The following NDE1 variants were observed in gnomAD, a reference collection of about 807,000 sequenced individuals.
NDE1 encodes the protein nudE neurodevelopment protein 1.
Under a neutral mutation model 43.4 loss-of-function variants are expected in NDE1, and 28 were observed. The observed-to-expected ratio is 0.65, with a 90% CI of 0.48 to 0.89. The LOEUF (loss-of-function observed/expected upper bound fraction) is 0.89. Ranked by LOEUF, NDE1 falls within the 40% of genes least tolerant of loss-of-function variation. NDE1 has a pLI of 0.00. For missense variants in NDE1, 441 were observed against 434.1 expected (o/e 1.02, Z -0.14); for synonymous variants, 184 against 172.0 (o/e 1.07, Z -0.55).
At chr16:15,717,411 C>A in intron 8 of NDE1, 1 of 1,557,134 alleles carries the variant, frequency 6.4e-7, no homozygotes, top group Admixed American at 1.7e-5. Flanking sequence ...GCACTGAGAC[C>A]ATGCCTCTTC....
intron 8 of NDE1, chr16:15,719,170 G>GT: frequency 6.5e-7 from 1 of 1,532,328 alleles, no homozygotes; most frequent in Non-Finnish European, 9.0e-7. Flanking sequence ...GATGCTGCCT[G>GT]TCCCCCCATC....
chr16:15,720,073 C>G, intron 8 of NDE1: 1 of 1,593,926 alleles, frequency 6.3e-7, no homozygotes. Flanking sequence ...TTCCTGGAGC[C>G]CGCTCTGCTG....
At chr16:15,675,543 C>T (rs1446029388) in intron 3 of NDE1, among the ~76,000 whole-genome samples, 1 of 151,506 alleles carries the variant, frequency 6.6e-6, no homozygotes, top group African/African-American at 2.4e-5. Context: ...CTCAGGCAGT[C>T]TTCTTGCCTC....
At chr16:15,697,346 A>G (rs2039061693) in intron 8 of NDE1, among the ~76,000 whole-genome samples, 1 of 152,110 alleles carries the variant, frequency 6.6e-6, no homozygotes, top group Non-Finnish European at 1.5e-5. Flanking sequence ...CCTGGCCAAG[A>G]AGGTCATTTT....
At chr16:15,651,276 C>T (rs1286105115) in intron 1 of NDE1, among the ~76,000 whole-genome samples, 1 of 152,074 alleles carries the variant, frequency 6.6e-6, no homozygotes, top group Non-Finnish European at 1.5e-5. Flanking sequence ...TAGGCAGGTT[C>T]ATCATTTTTA....
At chr16:15,667,612 T>C (rs1347029104) in intron 3 of NDE1, among the ~76,000 whole-genome samples, 173 bp downstream of exon 3, 1 of 144,944 alleles carries the variant, frequency 6.9e-6, no homozygotes, top group Non-Finnish European at 1.5e-5. Flanking sequence ...GTGCCTCTAG[T>C]GGGTGGTGCT....
rs1030614126 is a variant in NDE1, at chr16:15,714,961, C to T, written c.948-9230C>T. The T allele has an allele frequency of 6.2e-7, 1 of 1,614,006 alleles. No individual in the cohort carries two copies. The highest frequency in any genetic ancestry group is 8.5e-7 in the Non-Finnish European group (1 of 1,180,048). ...TCGCGGCCCATGGCCTCGTTGCTCTCCGTGGCCTCATCCAGCTCCCGCTGC... is the reference window on the plus strand; with the variant it reads ...TCGCGGCCCATGGCCTCGTTGCTCTTCGTGGCCTCATCCAGCTCCCGCTGC... On this transcript the variant is annotated intron_variant, in intron 8 of 8. Transcript: ENST00000396354.
chr16:15,674,009 A>C (rs1281520294), intron 3 of NDE1, among the ~76,000 whole-genome samples: 1 of 152,108 alleles, frequency 6.6e-6, no homozygotes, highest in Non-Finnish European at 1.5e-5. Flanking sequence ...ATTGAGTCTC[A>C]GTGTTCATGT....
intron 8 of NDE1, among the ~76,000 whole-genome samples, chr16:15,702,758 T>C (rs1450953390): frequency 6.6e-6 from 1 of 152,140 alleles, no homozygotes; most frequent in Non-Finnish European, 1.5e-5. Flanking sequence ...CAAGACCTTG[T>C]GTTTTAACTC....
At chr16:15,686,354 G>A (rs1223728424) in intron 4 of NDE1, 2 of 984,472 alleles carry the variant, frequency 2.0e-6, no homozygotes, top group African/African-American at 1.7e-5. Context: ...AGAGAAGGTG[G>A]TTTTCCCAGA....
At chr16:15,647,334 T>C (rs2036350688), upstream of NDE1, among the ~76,000 whole-genome samples, 1 of 152,200 alleles carries the variant, frequency 6.6e-6, no homozygotes, top group African/African-American at 2.4e-5. Context: ...AGCATAGTGC[T>C]GAAGAAGGAG....
At chr16:15,683,842 TAGTG>T (rs887781277) in intron 4 of NDE1, among the ~76,000 whole-genome samples, 1 of 151,822 alleles carries the variant, frequency 6.6e-6, no homozygotes, top group African/African-American at 2.4e-5. Context: ...CTGGGCAACA[TAGTG>T]AGACTCCCGT....
Position 15,671,009 on chromosome 16 carries a change from G to A in NDE1, c.237+3570G>A, listed in dbSNP as rs368043877. On this transcript the variant is annotated intron_variant, in intron 3 of 8. Transcript: ENST00000396354. The stretch of plus-strand genomic sequence containing the variant: ...CGTCTGCAGATCCATCTGCCCCATA[G>A]GTGTTGTTTGATCGCCTTCAGGGGT... Among the ~76,000 whole-genome samples the A allele has an allele frequency of 2.0e-4, 30 of 152,266 alleles. No individual in the cohort carries two copies. The East Asian group carries it at 2.5e-3, about 13-fold the overall frequency.
chr16:15,695,203 CTTTTT>C (rs71134451), intron 7 of NDE1, among the ~76,000 whole-genome samples: 3 of 79,680 alleles, frequency 3.8e-5, no homozygotes, highest in African/African-American at 1.1e-4. Context: ...AAACTGCCAC[CTTTTT>C]TTTTTTTTTT....
intron 2 of NDE1, among the ~76,000 whole-genome samples, chr16:15,666,177 A>G (rs551849943): frequency 1.9e-3 from 282 of 152,206 alleles, no homozygotes; most frequent in Admixed American, 4.5e-3. Context: ...AGATTTTAAG[A>G]TTTGAAACTC....
At chr16:15,717,579 G>T (rs1025689184) in intron 8 of NDE1, 1 of 594,820 alleles carries the variant, frequency 1.7e-6, no homozygotes, top group African/African-American at 1.9e-5. Context: ...TAAATCACTT[G>T]AGCTCAGGAG....
rs367644806 is a variant in NDE1, at chr16:15,654,627, A to C, written c.-44+4333A>C. 8.3e-4 allele frequency among the ~76,000 whole-genome samples: 124 copies of C among 150,302 alleles called. No individual in the cohort carries two copies. In the Middle Eastern group the frequency reaches 0.014, roughly 16 times the overall value. ...CAAAAAAAAAAAAAACAAAAAAAAA[A>C]AAAACAAAACTGGACCAAATGAAAC... is the stretch of plus-strand genomic sequence containing the variant. On this transcript the variant is annotated intron_variant, in intron 1 of 8. Transcript: ENST00000396354.
At position 15,718,045 on chromosome 16, in the gene NDE1, C is replaced by A. The variant is rs1465396438; in HGVS notation, c.948-6146C>A. ...CGCAATGAAAGAGCATCCCAAGGCC[C>A]GGACTCCAGGGATGGCCGTGAGGTA... On this transcript the variant is annotated intron_variant, in intron 8 of 8. Transcript: ENST00000396354. 14 of 553,072 alleles carry A rather than the reference C, an allele frequency of 2.5e-5. 2 individuals are homozygous for A. The highest frequency in any genetic ancestry group is 2.3e-4 in the South Asian group (11 of 48,654). 34.3% of individuals were successfully genotyped at this position (553,072 alleles called of 1,614,324 possible). A position where few individuals can be genotyped will look rare whatever the true frequency, so the allele number is the denominator to read the frequency against.
At chr16:15,720,802 C>T in intron 8 of NDE1, 1 of 1,607,168 alleles carries the variant, frequency 6.2e-7, no homozygotes, top group Non-Finnish European at 8.5e-7. Context: ...AAAAGGCCAC[C>T]CGACCTCCCT....
Sources: gnomAD v4.1 joint callset for allele counts (sites outside exome capture counted in the v4.1 genomes callset) on GRCh38, gnomAD v4.1.1 for gene constraint, MANE v1.5 for transcripts, NCBI Gene and HGNC (gene_info 2026-07-23, HGNC 2026-07-21) for gene names.